The following PTPRD variants were observed in gnomAD, a reference collection of about 807,000 sequenced individuals.
PTPRD encodes receptor-type tyrosine-protein phosphatase delta.
PTPRD carries 34 observed loss-of-function variants against 214.5 expected under a neutral mutation model. That is an observed-to-expected ratio of 0.16 (90% confidence interval 0.12 to 0.21). The LOEUF (loss-of-function observed/expected upper bound fraction) is 0.21, where lower values mean the gene tolerates loss of function less well. Ranked by LOEUF, PTPRD falls within the 10% of genes least tolerant of loss-of-function variation. The probability of loss-of-function intolerance (pLI) is 1.00; values close to 1 mark genes in which losing one functional copy is unlikely to be tolerated. For missense variants in PTPRD, 2,545 were observed against 2,398.7 expected, an observed-to-expected ratio of 1.06 and a Z score of -1.27; for synonymous variants, 1,128 against 845.7, an observed-to-expected ratio of 1.33 and a Z score of -5.79.
chr9:10,022,592 T>C (rs1267838674), intron 4 of PTPRD, among the ~76,000 whole-genome samples: 2 of 152,218 alleles, frequency 1.3e-5, no homozygotes, highest in African/African-American at 4.8e-5. Context: ...AAGGCACTTG[T>C]AGTGCACAGA....
chr9:10,227,573 G>A (rs1378735826), intron 3 of PTPRD, among the ~76,000 whole-genome samples: 2 of 151,846 alleles, frequency 1.3e-5, no homozygotes, highest in African/African-American at 4.8e-5. Flanking sequence ...GCTAGATAAG[G>A]TGATCCTCCT....
At position 8,499,789 on chromosome 9, in the gene PTPRD, G is replaced by C. The variant is rs1417238897; in HGVS notation, c.2180C>G (p.Ser727Cys). 1.2e-6 allele frequency: 2 copies of C among 1,613,766 alleles called. No homozygotes were observed. The highest frequency in any genetic ancestry group is 1.7e-6 in the Non-Finnish European group (2 of 1,179,824). ...KVEVEAVNSTSVKVSWRSPVP... is the reference protein window; with the variant it reads ...KVEVEAVNSTCVKVSWRSPVP... ...GGGTGAGCGCCATGAGACTTTAACA[G>C]ATGTTGAGTTGACAGCCTCTACCTC... is the stretch of plus-strand genomic sequence containing the variant. The change falls in exon 25 of 46, where the codon TCT becomes TGT. Residue 727 changes from serine (S) to cysteine (C), a missense_variant. Physicochemically the swap from Ser to Cys is moderately radical, Grantham distance 112. Transcript: ENST00000381196.
chr9:10,574,444 C>G (rs926742241), intron 2 of PTPRD, among the ~76,000 whole-genome samples: 9 of 152,018 alleles, frequency 5.9e-5, no homozygotes, highest in Non-Finnish European at 1.3e-4. Flanking sequence ...AGGTATAATT[C>G]CAAATCTGTG....
At chr9:9,511,715 T>A (rs1267927573) in intron 8 of PTPRD, among the ~76,000 whole-genome samples, 1 of 151,924 alleles carries the variant, frequency 6.6e-6, no homozygotes, top group South Asian at 2.1e-4. Flanking sequence ...TTTAAACATA[T>A]ATTAATACTT....
intron 3 of PTPRD, among the ~76,000 whole-genome samples, chr9:10,242,940 GGAGA>G (rs375926103): frequency 5.4e-5 from 8 of 147,282 alleles, no homozygotes; most frequent in South Asian, 2.2e-4. Context: ...AGGGAGGGAG[GGAGA>G]GAGAGAGAGA....
At chr9:9,110,240 C>A (rs1177566339) in intron 10 of PTPRD, among the ~76,000 whole-genome samples, 2 of 152,092 alleles carry the variant, frequency 1.3e-5, no homozygotes, top group South Asian at 4.1e-4. Flanking sequence ...ACTGGTGACA[C>A]CCAAATAAAA....
chr9:9,752,708 G>A (rs2098532677), intron 6 of PTPRD, among the ~76,000 whole-genome samples: 1 of 151,870 alleles, frequency 6.6e-6, no homozygotes, highest in African/African-American at 2.4e-5. Flanking sequence ...GGGACGGAGG[G>A]CAAGTATTTT....
intron 11 of PTPRD, among the ~76,000 whole-genome samples, chr9:8,869,555 T>C (rs1051467450): frequency 2.0e-5 from 3 of 152,102 alleles, no homozygotes; most frequent in Admixed American, 1.3e-4. Flanking sequence ...GGAGTCAGAA[T>C]TGTTGGCAAG....
chr9:10,072,529 T>C (rs1352000110), intron 3 of PTPRD, among the ~76,000 whole-genome samples: 1 of 152,118 alleles, frequency 6.6e-6, no homozygotes, highest in Non-Finnish European at 1.5e-5. Flanking sequence ...GAAGGGGACA[T>C]GAGCGGGTTG....
rs561736360 is a variant in PTPRD at position 10,259,120 on chromosome 9, T to G, written c.-545+81843A>C. On this transcript the variant is annotated intron_variant, in intron 3 of 45. Transcript: ENST00000381196. ...TCACTGCAAGCTCCACCTCCCGGGTTCACACTATTCTTCTGCCTCAGCCTC... is the reference window on the plus strand; with the variant it reads ...TCACTGCAAGCTCCACCTCCCGGGTGCACACTATTCTTCTGCCTCAGCCTC... Among the ~76,000 whole-genome samples, 344 of 152,306 alleles carry G rather than the reference T, an allele frequency of 2.3e-3. 1 individual carries two copies. Among genetic ancestry groups the G allele is most frequent in the African/African-American group, 8.1e-3 (336 of 41,578 alleles).
intron 14 of PTPRD, among the ~76,000 whole-genome samples, chr9:8,531,889 G>A (rs1221244956): frequency 6.6e-6 from 1 of 152,050 alleles, no homozygotes; most frequent in Non-Finnish European, 1.5e-5. Flanking sequence ...CTTGGGGATA[G>A]CCGACAAAAT....
chr9:9,347,897 G>T (rs73641486), intron 9 of PTPRD, among the ~76,000 whole-genome samples: 2 of 152,204 alleles, frequency 1.3e-5, no homozygotes, highest in African/African-American at 4.8e-5. Flanking sequence ...GCCATTAAAA[G>T]CGTCCTATGT....
intron 8 of PTPRD, among the ~76,000 whole-genome samples, chr9:9,413,418 G>A (rs1026892331): frequency 1.3e-5 from 2 of 152,106 alleles, no homozygotes; most frequent in African/African-American, 4.8e-5. Flanking sequence ...CCGGCCTGCA[G>A]CTTCTTATTT....
At chr9:10,247,501 T>A (rs750181699) in intron 3 of PTPRD, among the ~76,000 whole-genome samples, 2 of 152,180 alleles carry the variant, frequency 1.3e-5, no homozygotes, top group Non-Finnish European at 2.9e-5. Flanking sequence ...TACACACACA[T>A]TACCATATTC....
rs35495271 is a variant in PTPRD, at chr9:9,937,426, TA to T, written c.-368+1080del. On this transcript the variant is annotated intron_variant, in intron 5 of 45. Transcript: ENST00000381196. ...GTGTTTTAATAGTTCCATAGATAAA[TA>T]AAAAAAAAAAATAGTTCCATAGAAT... 7.7e-3 allele frequency among the ~76,000 whole-genome samples: 1,114 copies of T among 144,624 alleles called. 11 individuals are homozygous for T. Among genetic ancestry groups the T allele is most frequent in the South Asian group, 0.036 (165 of 4,644 alleles). The allele number at this position is 144,624 out of a possible 152,430, so 94.9% of individuals were successfully genotyped here.
At chr9:8,850,278 G>C (rs915520978) in intron 11 of PTPRD, among the ~76,000 whole-genome samples, 1 of 152,126 alleles carries the variant, frequency 6.6e-6, no homozygotes, top group Non-Finnish European at 1.5e-5. Flanking sequence ...AGAAATTATT[G>C]TTTCTATGAG....
chr9:9,353,530 A>G (rs564269758), intron 9 of PTPRD, among the ~76,000 whole-genome samples: 146 of 151,910 alleles, frequency 9.6e-4, no homozygotes, highest in Middle Eastern at 3.4e-3. Context: ...TGATCTGGAA[A>G]AATGCGGTCA....
intron 10 of PTPRD, among the ~76,000 whole-genome samples, chr9:9,144,027 A>C (rs1017036168): frequency 2.6e-5 from 4 of 152,218 alleles, no homozygotes; most frequent in Non-Finnish European, 4.4e-5. Context: ...CAATTCTTTT[A>C]TTATTAAAGT....
intron 3 of PTPRD, among the ~76,000 whole-genome samples, chr9:10,195,438 A>C (rs1257327544): frequency 1.3e-5 from 2 of 152,138 alleles, no homozygotes; most frequent in Non-Finnish European, 2.9e-5. Flanking sequence ...TTACCTGTCC[A>C]TGTGACTGTT....
Sources: gnomAD v4.1 joint callset for allele counts (sites outside exome capture counted in the v4.1 genomes callset) on GRCh38, gnomAD v4.1.1 for gene constraint, MANE v1.5 for transcripts, NCBI Gene and HGNC (gene_info 2026-07-23, HGNC 2026-07-21) for gene names.